Variants in BCAR3 observed in about 807,000 individuals in gnomAD.
The protein encoded by BCAR3 is BCAR3 adaptor protein, NSP family member.
Under a neutral mutation model 80.1 loss-of-function variants are expected in BCAR3, and 37 were observed. The observed-to-expected ratio is 0.46, with a 90% CI of 0.36 to 0.61. BCAR3 has a LOEUF of 0.61. Ranked by LOEUF, BCAR3 falls within the 20% of genes least tolerant of loss-of-function variation. The probability of loss-of-function intolerance (pLI) is 0.00; values close to 1 mark genes in which losing one functional copy is unlikely to be tolerated. For synonymous variants in BCAR3, 389 were observed against 418.9 expected (o/e 0.93, Z 0.87); for missense variants, 978 against 1,068.2 (o/e 0.92, Z 1.18).
chr1:93,666,126 G>A (rs1433706805), intron 2 of BCAR3, among the ~76,000 whole-genome samples: 1 of 152,090 alleles, frequency 6.6e-6, no homozygotes, highest in Non-Finnish European at 1.5e-5. Context: ...TCTAAAAACT[G>A]ATCGTGCCAT....
At chr1:93,583,637 C>T (rs1036308549) in intron 6 of BCAR3, among the ~76,000 whole-genome samples, 14 of 152,128 alleles carry the variant, frequency 9.2e-5, no homozygotes, top group African/African-American at 3.1e-4. Flanking sequence ...AGGATCCACC[C>T]GCCCACCCGG....
At position 93,592,059 on chromosome 1, in the gene BCAR3, G is replaced by T; in HGVS notation, c.486+206C>A. 1 of 630,254 alleles carries T rather than the reference G, an allele frequency of 1.6e-6. No homozygotes were observed. The highest frequency in any genetic ancestry group is 2.6e-6 in the Non-Finnish European group (1 of 390,854). 39.0% of individuals were successfully genotyped at this position (630,254 alleles called of 1,614,324 possible). On this transcript the variant is annotated intron_variant, in intron 4 of 11. Transcript: ENST00000260502. The surrounding 1 kb of genome is among the most constrained non-coding windows in gnomAD (Gnocchi z 4.8). ...GGCTGTCCCTTCACTTCCTGAACAT[G>T]TGGATGTGTGCTTTGGGTTCTTGAC...
At chr1:93,788,694 G>C (rs1006386089) in intron 2 of BCAR3, among the ~76,000 whole-genome samples, 2 of 152,148 alleles carry the variant, frequency 1.3e-5, no homozygotes, top group African/African-American at 4.8e-5. Context: ...AATCTGAGAT[G>C]ACTGTGGGGG....
chr1:93,666,832 ATAGAGGG>A (rs1228596761), intron 2 of BCAR3, among the ~76,000 whole-genome samples: 1 of 152,182 alleles, frequency 6.6e-6, no homozygotes, highest in Non-Finnish European at 1.5e-5. Context: ...GCAGGCTCAG[ATAGAGGG>A]ATTCCAGCCA....
rs140738525 is a variant in BCAR3 at position 93,639,159 on chromosome 1, G to A, written c.357+3145C>T. Among the ~76,000 whole-genome samples the A allele has an allele frequency of 1.2e-4, 19 of 152,252 alleles. No homozygotes were observed. In the South Asian group the frequency reaches 2.9e-3, roughly 23 times the overall value. On this transcript the variant is annotated intron_variant, in intron 3 of 11. Coordinates refer to ENST00000260502, the MANE Select transcript of BCAR3 (RefSeq NM_003567.4). ...TTCCTCCATTCCACTTGGGATGAAC[G>A]ACCGGTAGCTAAGCAACCGAGAAAC...
intron 2 of BCAR3, among the ~76,000 whole-genome samples, chr1:93,661,823 C>T (rs144423197): frequency 6.6e-6 from 1 of 152,182 alleles, no homozygotes; most frequent in Non-Finnish European, 1.5e-5. Context: ...TATAAAACTT[C>T]TAGATGTGCG....
At chr1:93,845,502 A>ATATATATATATATTGTCAAG in intron 2 of BCAR3, 9 of 113,812 alleles carry the variant, frequency 7.9e-5, no homozygotes, top group African/African-American at 1.4e-4. Flanking sequence ...ATATATATAT[A>ATATATATATATATTGTCAAG]AAACTTTGTT....
Position 93,566,964 on chromosome 1 carries a change from G to A in BCAR3, c.2299+315C>T, listed in dbSNP as rs370671422. On this transcript the variant is annotated intron_variant, in intron 11 of 11. Coordinates refer to ENST00000260502, the MANE Select transcript of BCAR3 (RefSeq NM_003567.4). Reference sequence around the variant, plus strand: ...GCTGGTCTTGAACTCCTGACTTCAAGTGATCTACCTGCCTCAGCCTCCCAG... The same window carrying A: ...GCTGGTCTTGAACTCCTGACTTCAAATGATCTACCTGCCTCAGCCTCCCAG... Among the ~76,000 whole-genome samples the A allele has an allele frequency of 2.6e-4, 39 of 152,278 alleles. 1 individual carries two copies. The South Asian group carries it at 8.1e-3, about 32-fold the overall frequency.
intron 3 of BCAR3, among the ~76,000 whole-genome samples, chr1:93,698,427 G>A (rs1284578795): frequency 6.6e-6 from 1 of 152,172 alleles, no homozygotes; most frequent in Non-Finnish European, 1.5e-5. Flanking sequence ...AGGGCTTTGG[G>A]ATCCCCAAGG....
At chr1:93,843,226 G>C (rs894210366) in intron 2 of BCAR3, among the ~76,000 whole-genome samples, 1 of 152,190 alleles carries the variant, frequency 6.6e-6, no homozygotes, top group Non-Finnish European at 1.5e-5. Flanking sequence ...GTTCTGTTCG[G>C]TAACAGAAAT....
intron 2 of BCAR3, among the ~76,000 whole-genome samples, chr1:93,649,938 A>G (rs553798074): frequency 1.4e-4 from 22 of 151,978 alleles, no homozygotes; most frequent in African/African-American, 5.3e-4. Context: ...TTATCTAGAA[A>G]GGTCCTTATA....
chr1:93,699,539 G>A (rs1394288304), intron 3 of BCAR3, among the ~76,000 whole-genome samples: 1 of 152,104 alleles, frequency 6.6e-6, no homozygotes. Flanking sequence ...GAACTCATGA[G>A]GTGATCATAT....
At chr1:93,677,994 T>C (rs1567792) in intron 1 of BCAR3, among the ~76,000 whole-genome samples, 151,101 of 152,342 alleles carry the variant, frequency 0.99, 74,949 homozygotes, top group East Asian at 1. Context: ...TGCTCTCTCT[T>C]ACCATGGCTT....
In BCAR3 at chr1:93,589,360, G is replaced by A; in HGVS notation, c.546C>T (p.Ser182=). Residue 182 remains serine (S), a synonymous_variant, in exon 5 of 12, where the codon AGC becomes AGT. Transcript: ENST00000260502. ...GDFLVRDSLS[S]PGNFVLTCQW... ...GACAGGTCAGGACAAAGTTCCCAGG[G>A]CTGGACAGAGAGTCACGAACTAGGA... is the stretch of plus-strand genomic sequence containing the variant. 6.2e-7 allele frequency: 1 copy of A among 1,614,040 alleles called. No homozygotes were observed. Among genetic ancestry groups the A allele is most frequent in the Non-Finnish European group, 8.5e-7 (1 of 1,180,022 alleles).
intron 1 of BCAR3, among the ~76,000 whole-genome samples, chr1:93,675,659 C>T (rs912904638): frequency 3.3e-5 from 5 of 150,976 alleles, no homozygotes; most frequent in South Asian, 2.1e-4. Flanking sequence ...CCTGTACAGT[C>T]GGGGAAGAAG....
chr1:93,744,470 G>T (rs1401037270), intron 2 of BCAR3, among the ~76,000 whole-genome samples: 1 of 152,148 alleles, frequency 6.6e-6, no homozygotes, highest in African/African-American at 2.4e-5. Flanking sequence ...GAGAATCTGG[G>T]ACCTTCCTTG....
intron 2 of BCAR3, among the ~76,000 whole-genome samples, chr1:93,770,936 G>A (rs990719412): frequency 2.8e-4 from 42 of 152,120 alleles, no homozygotes; most frequent in African/African-American, 1.0e-3. Flanking sequence ...GGCTCTCAGT[G>A]GAAGCTCTGA....
At chr1:93,640,249 C>T (rs1285063811) in intron 3 of BCAR3, among the ~76,000 whole-genome samples, 1 of 152,122 alleles carries the variant, frequency 6.6e-6, no homozygotes, top group African/African-American at 2.4e-5. Context: ...CTACAACAGA[C>T]CCAACCCAAG....
chr1:93,763,687 T>C (rs1305569562), intron 2 of BCAR3, among the ~76,000 whole-genome samples: 1 of 152,170 alleles, frequency 6.6e-6, no homozygotes, highest in Non-Finnish European at 1.5e-5. Context: ...TCCAGACTCA[T>C]CCATTTTCAC....
Sources: allele counts gnomAD v4.1 joint callset (sites outside exome capture counted in the v4.1 genomes callset), GRCh38; gene constraint gnomAD v4.1.1; non-coding constraint Gnocchi (gnomAD v3.1); transcripts MANE v1.5; gene names NCBI Gene and HGNC (gene_info 2026-07-23, HGNC 2026-07-21).